The following PAPPA2 variants were observed in gnomAD, a reference collection of about 807,000 sequenced individuals.
PAPPA2 encodes pappalysin 2, also known as pappalysin-2.
PAPPA2 carries 86 observed loss-of-function variants against 176.4 expected under a neutral mutation model. The ratio of observed to expected loss-of-function variants is 0.49; its 90% CI spans 0.41 to 0.58. The LOEUF (loss-of-function observed/expected upper bound fraction) is 0.58. Ranked by LOEUF, PAPPA2 falls within the 20% of genes least tolerant of loss-of-function variation. The probability of loss-of-function intolerance (pLI) is 0.00; values close to 1 mark genes in which losing one functional copy is unlikely to be tolerated. For missense variants in PAPPA2, 2,073 were observed against 2,256.9 expected (o/e 0.92, Z 1.65); for synonymous variants, 809 against 852.2 (o/e 0.95, Z 0.88).
intron 17 of PAPPA2, among the ~76,000 whole-genome samples, chr1:176,776,138 A>G (rs186253307): frequency 6.6e-6 from 1 of 152,312 alleles, no homozygotes; most frequent in East Asian, 1.9e-4. Context: ...AAGCTAAAGT[A>G]AGTGTGTTTG....
intron 3 of PAPPA2, among the ~76,000 whole-genome samples, chr1:176,636,897 G>T (rs1052025676): frequency 2.0e-5 from 3 of 152,114 alleles, no homozygotes; most frequent in African/African-American, 7.2e-5. Context: ...TCACAAAGTG[G>T]TAGTGGGAAT....
At chr1:176,770,109 C>T (rs1664156552) in intron 16 of PAPPA2, among the ~76,000 whole-genome samples, 1 of 152,142 alleles carries the variant, frequency 6.6e-6, no homozygotes, top group Admixed American at 6.5e-5. Context: ...TTATTGTGCA[C>T]ATTTTAAAAT....
chr1:176,590,575 A>C (rs1167577250), intron 2 of PAPPA2, among the ~76,000 whole-genome samples: 1 of 152,192 alleles, frequency 6.6e-6, no homozygotes, highest in East Asian at 1.9e-4. Flanking sequence ...CACTGTGCTA[A>C]GATACTTCAC....
intron 17 of PAPPA2, among the ~76,000 whole-genome samples, chr1:176,777,931 G>A (rs1664532195): frequency 6.6e-6 from 1 of 151,682 alleles, no homozygotes. Flanking sequence ...TCCTTCTGGT[G>A]CAATAGGGAA....
intron 21 of PAPPA2, among the ~76,000 whole-genome samples, chr1:176,833,614 T>C (rs998823021): frequency 2.6e-5 from 4 of 152,156 alleles, no homozygotes; most frequent in African/African-American, 9.7e-5. Context: ...GATGTGAAAC[T>C]GAGAGAATAT....
chr1:176,480,343 G>A (rs1251568140), intron 1 of PAPPA2, among the ~76,000 whole-genome samples: 3 of 152,202 alleles, frequency 2.0e-5, no homozygotes, highest in African/African-American at 7.2e-5. Flanking sequence ...GCCGCTCCAT[G>A]GCTTTTGGGC....
intron 16 of PAPPA2, 143 bp downstream of exon 16, chr1:176,769,927 C>T: frequency 2.3e-6 from 2 of 872,170 alleles, no homozygotes; most frequent in South Asian, 2.0e-5. Flanking sequence ...CCAGAAAAGT[C>T]CCAAAAGGCA....
At chr1:176,800,253 C>A in intron 21 of PAPPA2, 121 bp downstream of exon 21, 1 of 881,056 alleles carries the variant, frequency 1.1e-6, no homozygotes, top group Non-Finnish European at 1.7e-6. Context: ...CTTTGTTTAA[C>A]TTCTTAAATT....
intron 14 of PAPPA2, among the ~76,000 whole-genome samples, chr1:176,759,068 G>A (rs1453425713): frequency 6.6e-6 from 1 of 152,180 alleles, no homozygotes; most frequent in Non-Finnish European, 1.5e-5. Context: ...TCATCACATT[G>A]TATTGTTTCT....
At chr1:176,520,849 G>A (rs541268168) in intron 1 of PAPPA2, among the ~76,000 whole-genome samples, 6 of 152,230 alleles carry the variant, frequency 3.9e-5, no homozygotes, top group African/African-American at 9.6e-5. Flanking sequence ...GCACAGTAGC[G>A]TGTGCTTGTA....
intron 2 of PAPPA2, among the ~76,000 whole-genome samples, chr1:176,592,565 T>C (rs540769206): frequency 7.2e-4 from 110 of 152,266 alleles, no homozygotes; most frequent in Non-Finnish European, 1.2e-3. Flanking sequence ...GATAATAGAC[T>C]AGAAGTTCTA....
chr1:176,785,867 G>A (rs1163105102), intron 17 of PAPPA2, among the ~76,000 whole-genome samples: 2 of 152,162 alleles, frequency 1.3e-5, no homozygotes, highest in African/African-American at 2.4e-5. Flanking sequence ...CTATTTCCAT[G>A]GTTGAAGTAT....
intron 1 of PAPPA2, among the ~76,000 whole-genome samples, chr1:176,488,395 TA>T (rs954802162): frequency 2.0e-5 from 3 of 152,104 alleles, no homozygotes; most frequent in African/African-American, 7.2e-5. Flanking sequence ...TATGTATAGA[TA>T]AAAAATGGTT....
Position 176,815,748 on chromosome 1 carries a change from G to A in PAPPA2, c.5202+15616G>A, listed in dbSNP as rs973085775. ...GCAAGATCTACACTGGTTCTGTAAG[G>A]TAAGGCAGGACAACCTGAGGCATGG... On this transcript the variant is annotated intron_variant, in intron 21 of 22. Coordinates refer to ENST00000367662, the MANE Select transcript of PAPPA2 (RefSeq NM_020318.3). Among the ~76,000 whole-genome samples, 71 of 152,098 alleles carry A rather than the reference G, an allele frequency of 4.7e-4. 3 individuals carry two copies.
At chr1:176,822,554 CTT>C (rs1179287843) in intron 21 of PAPPA2, among the ~76,000 whole-genome samples, 4 of 152,202 alleles carry the variant, frequency 2.6e-5, no homozygotes, top group African/African-American at 4.8e-5. Flanking sequence ...AAATGCCTCT[CTT>C]AATAAATATA....
chr1:176,582,665 A>T (rs1003017134), intron 2 of PAPPA2, among the ~76,000 whole-genome samples: 9 of 152,012 alleles, frequency 5.9e-5, no homozygotes, highest in African/African-American at 2.2e-4. Flanking sequence ...GTTTGCTAAT[A>T]TTTTGTCGAG....
chr1:176,775,537 C>T (rs1328227890), intron 17 of PAPPA2, among the ~76,000 whole-genome samples: 1 of 152,158 alleles, frequency 6.6e-6, no homozygotes, highest in Non-Finnish European at 1.5e-5. Flanking sequence ...CCACTCTATG[C>T]AAGTTAATGG....
At chr1:176,698,802 T>C in intron 7 of PAPPA2, among the ~76,000 whole-genome samples, 1 of 152,204 alleles carries the variant, frequency 6.6e-6, no homozygotes, top group East Asian at 1.9e-4. Flanking sequence ...AGGACATGAC[T>C]TCTCTGCATC....
At chr1:176,558,841 A>G (rs967514944) in intron 2 of PAPPA2, among the ~76,000 whole-genome samples, 2 of 152,146 alleles carry the variant, frequency 1.3e-5, no homozygotes, top group African/African-American at 4.8e-5. Context: ...TGCAGTAGCA[A>G]CATAAAGACC....
Sources: gnomAD v4.1 joint callset for allele counts (sites outside exome capture counted in the v4.1 genomes callset) on GRCh38, gnomAD v4.1.1 for gene constraint, MANE v1.5 for transcripts, NCBI Gene and HGNC (gene_info 2026-07-23, HGNC 2026-07-21) for gene names.